The following HIKESHI variants were observed in gnomAD, a reference collection of about 807,000 sequenced individuals.
HIKESHI encodes protein Hikeshi.
HIKESHI carries 13 observed loss-of-function variants against 25.7 expected under a neutral mutation model. That is an observed-to-expected ratio of 0.51 (90% CI 0.33 to 0.80). HIKESHI has a LOEUF of 0.80. HIKESHI is among the 30% of genes least tolerant of loss of function. The pLI is 0.02. For missense variants in HIKESHI, 174 were observed against 229.5 expected (o/e 0.76, Z 1.56); for synonymous variants, 76 against 78.7 (o/e 0.97, Z 0.18).
intron 1 of HIKESHI, chr11:86,303,497 G>A (rs1946547119): frequency 3.9e-6 from 2 of 514,772 alleles, no homozygotes; most frequent in Non-Finnish European, 2.5e-6. Context: ...TAGGGAAAAA[G>A]GACAAACCTG....
intron 2 of HIKESHI, among the ~76,000 whole-genome samples, chr11:86,318,692 A>C (rs1368567043): frequency 6.6e-6 from 1 of 152,194 alleles, no homozygotes. Flanking sequence ...ATAGAAAAGC[A>C]GATTTAAGTG....
Position 86,302,298 on chromosome 11 carries a change from A to G in HIKESHI, c.-151A>G. The G allele has an allele frequency of 1.1e-6, 1 of 897,248 alleles. No homozygotes were observed. Among genetic ancestry groups the G allele is most frequent in the African/African-American group, 1.6e-5 (1 of 60,754 alleles). The allele number at this position is 897,248 out of a possible 1,614,324, so 55.6% of individuals were successfully genotyped here. A position where few individuals can be genotyped will look rare whatever the true frequency, so the allele number is the denominator to read the frequency against. On this transcript the variant is annotated 5_prime_UTR_variant, in exon 1 of 5. Transcript: ENST00000278483. ...GGTCAGAGTTCGCGGGGGCAGAGGC[A>G]TTCTTGCCGCTGGCCCAGTCACTAT... is the stretch of plus-strand genomic sequence containing the variant.
chr11:86,329,289 G>A (rs1947362799), intron 2 of HIKESHI, among the ~76,000 whole-genome samples: 6 of 151,270 alleles, frequency 4.0e-5, no homozygotes, highest in Admixed American at 3.9e-4. Flanking sequence ...ATATTTTGTT[G>A]GTAAGCTGTG....
chr11:86,344,577 C>A (rs1469540199), intron 3 of HIKESHI, 26 bp from the exon 4 acceptor site: 1 of 1,276,808 alleles, frequency 7.8e-7, no homozygotes, highest in Non-Finnish European at 1.1e-6. Flanking sequence ...TCAGTATAAT[C>A]CATTAATCTA....
At chr11:86,327,077 CA>C (rs1947301056) in intron 2 of HIKESHI, among the ~76,000 whole-genome samples, 1 of 151,950 alleles carries the variant, frequency 6.6e-6, no homozygotes, top group African/African-American at 2.4e-5. Flanking sequence ...CAAACCAAAA[CA>C]AAACAAAATG....
intron 2 of HIKESHI, among the ~76,000 whole-genome samples, chr11:86,316,911 A>G (rs1472687200): frequency 6.7e-6 from 1 of 149,908 alleles, no homozygotes; most frequent in Non-Finnish European, 1.5e-5. Flanking sequence ...CTCCTGCATC[A>G]GCCTCCCGAG....
intron 2 of HIKESHI, among the ~76,000 whole-genome samples, chr11:86,312,529 CTT>C (rs57408918): frequency 0.088 from 13,395 of 152,128 alleles, 896 homozygotes; most frequent in African/African-American, 0.18. Context: ...CAGCCTGTGT[CTT>C]TTAATTGGAG....
chr11:86,312,452 G>C (rs1336255867), intron 2 of HIKESHI, among the ~76,000 whole-genome samples: 1 of 151,982 alleles, frequency 6.6e-6, no homozygotes, highest in Non-Finnish European at 1.5e-5. Context: ...GCCTATGTGT[G>C]TCTGCACGTG....
At chr11:86,342,216 CT>C in intron 3 of HIKESHI, among the ~76,000 whole-genome samples, 1 of 151,984 alleles carries the variant, frequency 6.6e-6, no homozygotes, top group East Asian at 1.9e-4. Context: ...GCTTTTGGCA[CT>C]TTTTAAATTT....
intron 2 of HIKESHI, among the ~76,000 whole-genome samples, chr11:86,323,090 T>C (rs1947190404): frequency 6.6e-6 from 1 of 152,022 alleles, no homozygotes; most frequent in African/African-American, 2.4e-5. Context: ...TAGCTGATTG[T>C]AGTGGCTCAT....
At chr11:86,316,560 G>GA (rs1464064270) in intron 2 of HIKESHI, among the ~76,000 whole-genome samples, 2 of 151,704 alleles carry the variant, frequency 1.3e-5, no homozygotes, top group African/African-American at 4.8e-5. Flanking sequence ...GGAAAGCAAA[G>GA]AAAAAACATA....
chr11:86,334,058 T>A (rs1205355420), intron 2 of HIKESHI, among the ~76,000 whole-genome samples: 1 of 152,246 alleles, frequency 6.6e-6, no homozygotes, highest in Non-Finnish European at 1.5e-5. Context: ...GTTCCATGTT[T>A]ATCCATGATG....
chr11:86,312,408 G>C (rs1185880262), intron 2 of HIKESHI, among the ~76,000 whole-genome samples: 4 of 151,938 alleles, frequency 2.6e-5, no homozygotes, highest in Admixed American at 2.6e-4. Flanking sequence ...TTTTCCATTT[G>C]CTTGGTAGAT....
chr11:86,319,613 A>G (rs981927507), intron 2 of HIKESHI, among the ~76,000 whole-genome samples: 5 of 115,638 alleles, frequency 4.3e-5, no homozygotes, highest in Admixed American at 1.0e-4. Context: ...CAAATTGTCA[A>G]TGGTCTCAAA....
Position 86,344,791 on chromosome 11 carries a change from ATTC to A in HIKESHI, c.539+71_539+73del, listed in dbSNP as rs752448317. ...GAATATCTATTTTGTCTATGAATAT[ATTC>A]CTTTTTTGACATTTAAACATATTCT... On this transcript the variant is annotated intron_variant, in intron 4 of 4. Transcript: ENST00000278483. The A allele has an allele frequency of 7.5e-6, 8 of 1,066,252 alleles. No individual in the cohort carries two copies. In the East Asian group the frequency reaches 1.9e-4, roughly 25 times the overall value. The allele number at this position is 1,066,252 out of a possible 1,614,324, so 66.0% of individuals were successfully genotyped here. A position where few individuals can be genotyped will look rare whatever the true frequency, so the allele number is the denominator to read the frequency against.
chr11:86,320,348 C>T (rs1458978470), intron 2 of HIKESHI, among the ~76,000 whole-genome samples: 1 of 152,190 alleles, frequency 6.6e-6, no homozygotes, highest in East Asian at 1.9e-4. Context: ...GAGGCCGAGG[C>T]AGGTGGATCA....
intron 2 of HIKESHI, among the ~76,000 whole-genome samples, chr11:86,319,024 C>G (rs1055349749): frequency 6.6e-6 from 1 of 151,952 alleles, no homozygotes; most frequent in Non-Finnish European, 1.5e-5. Context: ...TCAAGCCATC[C>G]TCCTGCCTTA....
chr11:86,316,388 C>T (rs1946978454), intron 2 of HIKESHI, among the ~76,000 whole-genome samples: 2 of 151,862 alleles, frequency 1.3e-5, no homozygotes, highest in Non-Finnish European at 2.9e-5. Context: ...GGCAGGTGCT[C>T]GTAATCCCAG....
In HIKESHI at chr11:86,307,105, G is replaced by A. The variant is rs167089; in HGVS notation, c.268+623G>A. Reference sequence around the variant, plus strand: ...ATCAAATATGTGTAATATACATCATGTATCAAATATATATTATGTATAATA... The same window carrying A: ...ATCAAATATGTGTAATATACATCATATATCAAATATATATTATGTATAATA... On this transcript the variant is annotated intron_variant, in intron 2 of 4. Coordinates refer to ENST00000278483, the MANE Select transcript of HIKESHI (RefSeq NM_016401.4). 6.0e-4 allele frequency among the ~76,000 whole-genome samples: 25 copies of A among 41,404 alleles called. 2 individuals are homozygous for A. In the Admixed American group the frequency reaches 7.8e-3, roughly 13 times the overall value. 27.2% of individuals were successfully genotyped at this position (41,404 alleles called of 152,430 possible).
Sources: gnomAD v4.1 joint callset for allele counts (sites outside exome capture counted in the v4.1 genomes callset) on GRCh38, gnomAD v4.1.1 for gene constraint, MANE v1.5 for transcripts, NCBI Gene and HGNC (gene_info 2026-07-23, HGNC 2026-07-21) for gene names.